C16orf89: variants seen among roughly 807,000 people sequenced by gnomAD.
The protein encoded by C16orf89 is chromosome 16 open reading frame 89, also known as UPF0764 protein C16orf89.
Under a neutral mutation model 41.5 loss-of-function variants are expected in C16orf89, and 57 were observed. The observed-to-expected ratio is 1.38, with a 90% confidence interval of 1.11 to 1.71. The LOEUF is 1.71. C16orf89 is among the 40% of genes most tolerant of loss of function. C16orf89 has a pLI of 0.00. For missense variants in C16orf89, 575 were observed against 445.9 expected (o/e 1.29, Z -2.61); for synonymous variants, 223 against 190.6 (o/e 1.17, Z -1.40).
At chr16:5,062,134 C>G (rs891639001) in intron 2 of C16orf89, among the ~76,000 whole-genome samples, 8 of 152,246 alleles carry the variant, frequency 5.3e-5, no homozygotes, top group Non-Finnish European at 1.5e-5. Context: ...AGCCTCTCCG[C>G]TCTAGTCTAG....
At chr16:5,058,734 G>A (rs1437078924) in intron 3 of C16orf89, 124 bp from the exon 4 acceptor site, 2 of 716,596 alleles carry the variant, frequency 2.8e-6, no homozygotes, top group Non-Finnish European at 4.5e-6. Context: ...GGGCATGGGG[G>A]TTGACAGAGA....
intron 7 of C16orf89, among the ~76,000 whole-genome samples, chr16:5,045,443 C>T (rs757581013): frequency 6.6e-6 from 1 of 152,138 alleles, no homozygotes; most frequent in Admixed American, 6.5e-5. Context: ...GTGGGCTGCA[C>T]GCCTCTAGTC....
At chr16:5,049,758 A>G (rs892192344) in intron 6 of C16orf89, among the ~76,000 whole-genome samples, 1 of 152,202 alleles carries the variant, frequency 6.6e-6, no homozygotes, top group South Asian at 2.1e-4. Context: ...AAGCAGAAAG[A>G]TTTCAAATAA....
At chr16:5,054,793 GTTTTATAAGGGGTTTCCC>G (rs1956458929) in intron 6 of C16orf89, among the ~76,000 whole-genome samples, 1 of 152,158 alleles carries the variant, frequency 6.6e-6, no homozygotes, top group African/African-American at 2.4e-5. Flanking sequence ...AGATCTGATG[GTTTTATAAGGGGTTTCCC>G]TTTGTGCTTG....
chr16:5,056,290 G>A, intron 4 of C16orf89, 102 bp from the exon 5 acceptor site: 3 of 1,207,256 alleles, frequency 2.5e-6, no homozygotes, highest in South Asian at 1.6e-5. Context: ...GTCTTGCAAG[G>A]GGCTGTGTTT....
chr16:5,065,637 G>C (rs920177199), intron 1 of C16orf89, 64 bp downstream of exon 1: 105 of 1,510,856 alleles, frequency 6.9e-5, no homozygotes, highest in Non-Finnish European at 8.9e-5. Context: ...TACAGAGCAG[G>C]GCAGGGGACA....
At chr16:5,057,752 C>G (rs577854715) in intron 4 of C16orf89, among the ~76,000 whole-genome samples, 49 of 152,098 alleles carry the variant, frequency 3.2e-4, no homozygotes, top group African/African-American at 1.2e-3. Flanking sequence ...TGGTCTCGAA[C>G]TCCTGATCTC....
intron 1 of C16orf89, among the ~76,000 whole-genome samples, chr16:5,065,452 A>C (rs1567161804): frequency 6.6e-6 from 1 of 152,204 alleles, no homozygotes; most frequent in Non-Finnish European, 1.5e-5. Flanking sequence ...TCATTCTGAG[A>C]AAAAGATAAT....
intron 1 of C16orf89, among the ~76,000 whole-genome samples, chr16:5,065,494 C>A (rs188487249): frequency 1.3e-5 from 2 of 152,336 alleles, no homozygotes; most frequent in East Asian, 3.9e-4. Flanking sequence ...GCCTTTAAAT[C>A]TTTCCTACTT....
At chr16:5,055,438 T>A (rs1596694147) in intron 5 of C16orf89, 88 bp from the exon 6 acceptor site, 1 of 1,265,884 alleles carries the variant, frequency 7.9e-7, no homozygotes, top group African/African-American at 1.5e-5. Flanking sequence ...GCCACCTGCC[T>A]TCATCTGCCT....
chr16:5,045,108 G>T (rs1956271305), intron 7 of C16orf89, among the ~76,000 whole-genome samples: 1 of 152,218 alleles, frequency 6.6e-6, no homozygotes, highest in Non-Finnish European at 1.5e-5. Flanking sequence ...GGGGGGATCT[G>T]GCCTGAGGCC....
chr16:5,047,784 G>A (rs906970303), intron 7 of C16orf89, 94 bp downstream of exon 7: 13 of 764,556 alleles, frequency 1.7e-5, no homozygotes, highest in Non-Finnish European at 2.8e-5. Flanking sequence ...GATGCCAAGT[G>A]CTTTTCTTCC....
At chr16:5,058,808 C>T (rs937427940) in intron 3 of C16orf89, among the ~76,000 whole-genome samples, 198 bp from the exon 4 acceptor site, 2 of 152,086 alleles carry the variant, frequency 1.3e-5, no homozygotes, top group Non-Finnish European at 2.9e-5. Flanking sequence ...AAAGATGACG[C>T]TAGAGCTATT....
chr16:5,055,878 T>A, intron 5 of C16orf89, 175 bp downstream of exon 5: 1 of 1,251,682 alleles, frequency 8.0e-7, no homozygotes, highest in Non-Finnish European at 1.1e-6. Flanking sequence ...ATTCATTGCT[T>A]ATCTGAAGTT....
At chr16:5,061,705 A>G (rs1443030316) in intron 2 of C16orf89, among the ~76,000 whole-genome samples, 2 of 152,142 alleles carry the variant, frequency 1.3e-5, no homozygotes, top group Non-Finnish European at 2.9e-5. Flanking sequence ...AAAGGTCAGC[A>G]TGGGCTATGG....
At chr16:5,063,807 A>G (rs910184791) in intron 1 of C16orf89, among the ~76,000 whole-genome samples, 2 of 152,210 alleles carry the variant, frequency 1.3e-5, no homozygotes, top group African/African-American at 4.8e-5. Context: ...GAGTTGTATA[A>G]TTATATATTA....
intron 3 of C16orf89, among the ~76,000 whole-genome samples, chr16:5,059,938 C>A (rs1264346045): frequency 6.6e-6 from 1 of 151,842 alleles, no homozygotes; most frequent in African/African-American, 2.4e-5. Context: ...GGAGCAAAGT[C>A]TTTGAAGTGG....
intron 1 of C16orf89, among the ~76,000 whole-genome samples, 181 bp from the exon 2 acceptor site, chr16:5,062,755 C>G (rs1956655041): frequency 6.6e-6 from 1 of 152,100 alleles, no homozygotes; most frequent in African/African-American, 2.4e-5. Context: ...TGGGGGTGAT[C>G]TGGGCAATGA....
At chr16:5,064,534 T>G (rs1956696213) in intron 1 of C16orf89, among the ~76,000 whole-genome samples, 1 of 152,246 alleles carries the variant, frequency 6.6e-6, no homozygotes, top group Non-Finnish European at 1.5e-5. Context: ...ACGAGAGCAG[T>G]TAACTCAGTG....
Sources: allele counts gnomAD v4.1 joint callset (sites outside exome capture counted in the v4.1 genomes callset), GRCh38; gene constraint gnomAD v4.1.1; transcripts MANE v1.5; gene names NCBI Gene and HGNC (gene_info 2026-07-23, HGNC 2026-07-21).